Variants in EFHC2 observed in about 807,000 individuals in gnomAD.
EFHC2 encodes the protein EF-hand domain containing 2.
In EFHC2, 18 loss-of-function variants were observed where a neutral mutation model predicts 52.7. That is an observed-to-expected ratio of 0.34 (90% CI 0.24 to 0.51). The LOEUF (loss-of-function observed/expected upper bound fraction) is 0.51. EFHC2 is among the 20% of genes least tolerant of loss of function. EFHC2 has a pLI of 0.97. For missense variants in EFHC2, 513 were observed against 562.5 expected, an observed-to-expected ratio of 0.91 and a Z score of 0.89; for synonymous variants, 203 against 204.1, an observed-to-expected ratio of 0.99 and a Z score of 0.04.
intron 2 of EFHC2, among the ~76,000 whole-genome samples, chrX:44,292,161 CAT>C (rs1426749486): frequency 1.8e-5 from 2 of 110,924 alleles, no homozygotes; most frequent in African/African-American, 3.3e-5. Context: ...TATATATATA[CAT>C]ATATGATTGT....
rs1299262429 is a variant in EFHC2 at position 44,148,563 on chromosome X, T to TA, written c.*231dup. 6.2e-6 allele frequency: 2 copies of TA among 322,605 alleles called. No individual in the cohort carries two copies. Among genetic ancestry groups the TA allele is most frequent in the East Asian group, 1.2e-4 (2 of 16,827 alleles). 26.6% of individuals were successfully genotyped at this position (322,605 alleles called of 1,213,427 possible). ...TGGTATTAATAAACCATACATATAA[T>TA]AAAAATATTCAACATGTTTTAAGAT... On this transcript the variant is annotated 3_prime_UTR_variant, in exon 15 of 15. Coordinates refer to ENST00000420999, the MANE Select transcript of EFHC2 (RefSeq NM_025184.4).
chrX:44,193,879 T>G (rs1051754646), intron 11 of EFHC2, among the ~76,000 whole-genome samples: 10 of 111,448 alleles, frequency 9.0e-5, no homozygotes, highest in African/African-American at 3.3e-4. Flanking sequence ...TTGGGATAGG[T>G]GTTTGGTAGG....
intron 5 of EFHC2, among the ~76,000 whole-genome samples, chrX:44,249,260 C>T (rs1250333753): frequency 1.8e-5 from 2 of 111,091 alleles, no homozygotes; most frequent in Non-Finnish European, 3.8e-5. Flanking sequence ...GAAAGCCTCC[C>T]GGTGAGGACT....
At chrX:44,224,520 T>G (rs73196194) in intron 11 of EFHC2, among the ~76,000 whole-genome samples, 105 of 112,393 alleles carry the variant, frequency 9.3e-4, no homozygotes, top group Non-Finnish European at 1.8e-3. Context: ...ATATTACCTC[T>G]TTTAGGAAGA....
chrX:44,162,623 T>C (rs1409125557), intron 14 of EFHC2, among the ~76,000 whole-genome samples: 1 of 111,814 alleles, frequency 8.9e-6, no homozygotes, highest in East Asian at 2.8e-4. Context: ...TCCTCCTGGT[T>C]CTGTACAAGT....
chrX:44,174,919 T>C (rs2036774753), intron 13 of EFHC2, among the ~76,000 whole-genome samples: 1 of 112,262 alleles, frequency 8.9e-6, no homozygotes, highest in Admixed American at 9.4e-5. Context: ...TATTCCAGGT[T>C]GATTCAATGC....
chrX:44,236,840 G>C (rs2037324037), intron 8 of EFHC2, among the ~76,000 whole-genome samples: 1 of 111,623 alleles, frequency 9.0e-6, no homozygotes, highest in Admixed American at 9.5e-5. Context: ...GTAACAAATA[G>C]ATTTGGTAGC....
rs1244611047 is a variant in EFHC2 at position 44,191,241 on chromosome X, A to AT, written c.1752-12678dup. On this transcript the variant is annotated intron_variant, in intron 11 of 14. Coordinates refer to ENST00000420999, the MANE Select transcript of EFHC2 (RefSeq NM_025184.4). ...GTAAATCATTGTCTTGTTTTTATTA[A>AT]TTTTTTTTTTTGAGACAGAGTTTTA... Among the ~76,000 whole-genome samples the AT allele has an allele frequency of 3.1e-3, 325 of 106,241 alleles. 2 individuals are homozygous for AT. The highest frequency in any genetic ancestry group is 9.5e-3 in the Middle Eastern group (2 of 211). The allele number at this position is 106,241 out of a possible 115,157, so 92.3% of individuals were successfully genotyped here. A position where few individuals can be genotyped will look rare whatever the true frequency, so the allele number is the denominator to read the frequency against.
chrX:44,317,629 T>C (rs2037991512), intron 1 of EFHC2, among the ~76,000 whole-genome samples: 2 of 112,373 alleles, frequency 1.8e-5, no homozygotes, highest in African/African-American at 6.5e-5. Flanking sequence ...CTACATAAAA[T>C]ACAAAAATTA....
intron 3 of EFHC2, among the ~76,000 whole-genome samples, chrX:44,267,294 T>C (rs1048295663): frequency 8.9e-6 from 1 of 112,006 alleles, no homozygotes; most frequent in African/African-American, 3.2e-5. Context: ...ATATAACACA[T>C]CTAACCGAAA....
intron 2 of EFHC2, among the ~76,000 whole-genome samples, chrX:44,289,923 C>T (rs916894304): frequency 3.6e-5 from 4 of 111,158 alleles, no homozygotes; most frequent in African/African-American, 9.8e-5. Flanking sequence ...CCTCGTGATC[C>T]GCCCGCCTCG....
At chrX:44,231,181 A>G (rs984760752) in intron 10 of EFHC2, among the ~76,000 whole-genome samples, 7 of 112,142 alleles carry the variant, frequency 6.2e-5, no homozygotes, top group Admixed American at 5.6e-4. Flanking sequence ...TCCTATCAAG[A>G]GAGACCCTGT....
chrX:44,149,428 G>T lies in EFHC2; in HGVS notation c.2149-532C>A, dbSNP rs145727710. Among the ~76,000 whole-genome samples, 267 of 112,586 alleles carry T rather than the reference G, an allele frequency of 2.4e-3. 1 individual carries two copies. The highest frequency in any genetic ancestry group is 8.1e-3 in the African/African-American group (253 of 31,080). Reference sequence around the variant, plus strand: ...AAGAAAAAGAAATGTGTCTTGTTGTGAACCATTGAAATTTAAGGAGTTGTT... The same window carrying T: ...AAGAAAAAGAAATGTGTCTTGTTGTTAACCATTGAAATTTAAGGAGTTGTT... On this transcript the variant is annotated intron_variant, in intron 14 of 14. Coordinates refer to ENST00000420999, the MANE Select transcript of EFHC2 (RefSeq NM_025184.4).
At chrX:44,336,384 CAA>C (rs1304377669) in intron 1 of EFHC2, among the ~76,000 whole-genome samples, 1 of 85,134 alleles carries the variant, frequency 1.2e-5, no homozygotes, top group African/African-American at 4.4e-5. Context: ...GACTCAGTCT[CAA>C]AAAAAAAAAA....
At chrX:44,229,127 T>C (rs1164810230) in intron 11 of EFHC2, among the ~76,000 whole-genome samples, 1 of 112,506 alleles carries the variant, frequency 8.9e-6, no homozygotes, top group Non-Finnish European at 1.9e-5. Flanking sequence ...TACTGTCATA[T>C]ATTTTTCCCT....
chrX:44,338,168 C>A (rs1019779736), intron 1 of EFHC2, among the ~76,000 whole-genome samples: 2 of 111,045 alleles, frequency 1.8e-5, no homozygotes, highest in Non-Finnish European at 3.8e-5. Flanking sequence ...TGGTTAATTT[C>A]ATGTTACATG....
intron 11 of EFHC2, among the ~76,000 whole-genome samples, chrX:44,200,867 T>C (rs767254881): frequency 8.9e-6 from 1 of 112,014 alleles, no homozygotes; most frequent in Non-Finnish European, 1.9e-5. Flanking sequence ...GGAACAATTA[T>C]ATTAACAAGA....
intron 11 of EFHC2, among the ~76,000 whole-genome samples, chrX:44,221,320 C>T (rs1005855784): frequency 1.3e-4 from 15 of 111,491 alleles, no homozygotes; most frequent in African/African-American, 4.2e-4. Context: ...CTTTTGGAAA[C>T]TGTGCTCCAC....
At chrX:44,311,289 C>CA (rs59567565) in intron 2 of EFHC2, among the ~76,000 whole-genome samples, 2,247 of 108,796 alleles carry the variant, frequency 0.021, 49 homozygotes, top group African/African-American at 0.072. Flanking sequence ...AACTAGGCTT[C>CA]AAAAAAAAAT....
Sources: gnomAD v4.1 joint callset for allele counts (sites outside exome capture counted in the v4.1 genomes callset) on GRCh38, gnomAD v4.1.1 for gene constraint, MANE v1.5 for transcripts, NCBI Gene and HGNC (gene_info 2026-07-23, HGNC 2026-07-21) for gene names.